PHACTR1: variants seen among roughly 807,000 people sequenced by gnomAD.
PHACTR1 encodes the protein RPEL repeat containing 1.
PHACTR1 carries 16 observed loss-of-function variants against 69.2 expected under a neutral mutation model. That is an observed-to-expected ratio of 0.23 (90% CI 0.16 to 0.35). The LOEUF is 0.35. Among genes scored for constraint, PHACTR1 ranks in the 10% least tolerant of loss-of-function variants. PHACTR1 has a pLI of 1.00. For missense variants in PHACTR1, 510 were observed against 734.7 expected, an observed-to-expected ratio of 0.69 and a Z score of 3.54; for synonymous variants, 312 against 284.5, an observed-to-expected ratio of 1.10 and a Z score of -0.97.
intron 5 of PHACTR1, among the ~76,000 whole-genome samples, chr6:13,136,203 A>C (rs898092448): frequency 1.3e-5 from 2 of 152,064 alleles, no homozygotes; most frequent in African/African-American, 4.8e-5. Context: ...AAAAAAAAAG[A>C]AAATCTATTT....
Position 12,918,835 on chromosome 6 carries a change from A to G in PHACTR1, c.251-134530A>G, listed in dbSNP as rs182308679. ...ACCATTTGAATATAATTTGCACTCA[A>G]ATGGAAACAACCATTCGTTCAGATC... On this transcript the variant is annotated intron_variant, in intron 4 of 14. Coordinates refer to ENST00000332995, the MANE Select transcript of PHACTR1 (RefSeq NM_030948.6). Among the ~76,000 whole-genome samples the G allele has an allele frequency of 2.0e-5, 3 of 152,342 alleles. No homozygotes were observed. In the East Asian group the frequency reaches 5.8e-4, roughly 29 times the overall value.
intron 4 of PHACTR1, among the ~76,000 whole-genome samples, chr6:12,761,119 AC>A (rs2127611087): frequency 6.6e-6 from 1 of 152,320 alleles, no homozygotes; most frequent in African/African-American, 2.4e-5. Flanking sequence ...CGTGTGGATA[AC>A]ACTTTCTGCC....
intron 3 of PHACTR1, among the ~76,000 whole-genome samples, chr6:12,748,399 G>A (rs1766081399): frequency 6.6e-6 from 1 of 152,192 alleles, no homozygotes; most frequent in Admixed American, 6.5e-5. Flanking sequence ...GATGCCCTTT[G>A]TAGCAGGGAG....
intron 5 of PHACTR1, among the ~76,000 whole-genome samples, chr6:13,091,338 C>A (rs1583315777): frequency 6.6e-6 from 1 of 152,098 alleles, no homozygotes; most frequent in Non-Finnish European, 1.5e-5. Flanking sequence ...TGTTGAGTAA[C>A]GTCCCCAAGA....
At position 12,737,663 on chromosome 6, in the gene PHACTR1, T is replaced by C. The variant is rs146022177; in HGVS notation, c.104-11981T>C. On this transcript the variant is annotated intron_variant, in intron 3 of 14. Coordinates refer to ENST00000332995, the MANE Select transcript of PHACTR1 (RefSeq NM_030948.6). The stretch of plus-strand genomic sequence containing the variant: ...AGGCTGGAATGCAGTGGTATGATGA[T>C]GGCTCACTGCAGCCTCAAAGTTCTG... Among the ~76,000 whole-genome samples the C allele has an allele frequency of 1.7e-3, 264 of 151,920 alleles. 7 individuals are homozygous for C. In the East Asian group the frequency reaches 0.044, roughly 25 times the overall value.
rs577312939 is a variant in PHACTR1 at position 13,012,110 on chromosome 6, T to C, written c.251-41255T>C. The stretch of plus-strand genomic sequence containing the variant: ...CCTGCATTCTACATCCATCCCCCTC[T>C]AGGGGAGGCGATGGCAGCTGGACAC... On this transcript the variant is annotated intron_variant, in intron 4 of 14. Coordinates refer to ENST00000332995, the MANE Select transcript of PHACTR1 (RefSeq NM_030948.6). 3.3e-5 allele frequency among the ~76,000 whole-genome samples: 5 copies of C among 152,330 alleles called. No individual in the cohort carries two copies. The East Asian group carries it at 7.7e-4, about 23-fold the overall frequency.
At position 12,944,874 on chromosome 6, in the gene PHACTR1, C is replaced by T. The variant is rs6905426; in HGVS notation, c.251-108491C>T. 2.2e-3 allele frequency among the ~76,000 whole-genome samples: 336 copies of T among 151,888 alleles called. 3 individuals carry two copies. Among genetic ancestry groups the T allele is most frequent in the African/African-American group, 7.8e-3 (324 of 41,382 alleles). On this transcript the variant is annotated intron_variant, in intron 4 of 14. Transcript: ENST00000332995. ...CTCGGCTCACTGCGAGCTCCGCCTC[C>T]CGGGTTCACGCCATTCTCCTGCTTC...
chr6:13,183,789 C>T (rs905048685), intron 7 of PHACTR1, among the ~76,000 whole-genome samples: 2 of 152,196 alleles, frequency 1.3e-5, no homozygotes, highest in South Asian at 2.1e-4. Flanking sequence ...CCTTGTGACA[C>T]TGAAGTCAGA....
intron 14 of PHACTR1, 110 bp downstream of exon 14, chr6:13,286,332 G>T: frequency 1.1e-6 from 1 of 882,252 alleles, no homozygotes. Flanking sequence ...GGTGCCATGA[G>T]AGGGAAGATA....
At chr6:13,061,829 A>C (rs1208326712) in intron 5 of PHACTR1, among the ~76,000 whole-genome samples, 1 of 152,080 alleles carries the variant, frequency 6.6e-6, no homozygotes, top group Non-Finnish European at 1.5e-5. Flanking sequence ...CCAAATTGAG[A>C]TGTTTTGGCC....
intron 13 of PHACTR1, among the ~76,000 whole-genome samples, chr6:13,284,700 C>T (rs1422793561): frequency 6.6e-6 from 1 of 151,326 alleles, no homozygotes; most frequent in Non-Finnish European, 1.5e-5. Context: ...GTTTCAGGGA[C>T]CCAGGGTTTT....
rs572288215 is a variant in PHACTR1, at chr6:12,860,775, G to A, written c.250+110985G>A. On this transcript the variant is annotated intron_variant, in intron 4 of 14. Coordinates refer to ENST00000332995, the MANE Select transcript of PHACTR1 (RefSeq NM_030948.6). The stretch of plus-strand genomic sequence containing the variant: ...ATGATGAGCTCTTTTTCATATGTTC[G>A]TTGGCCACATAAATGTCTTCTTTTG... 6.6e-5 allele frequency among the ~76,000 whole-genome samples: 10 copies of A among 152,090 alleles called. No individual in the cohort carries two copies. In the East Asian group the frequency reaches 1.2e-3, roughly 18 times the overall value.
intron 10 of PHACTR1, among the ~76,000 whole-genome samples, chr6:13,237,641 T>G (rs1447377468): frequency 6.6e-6 from 1 of 152,232 alleles, no homozygotes; most frequent in Admixed American, 6.5e-5. Flanking sequence ...ATCTGTAGAA[T>G]CCAAATTAGT....
At chr6:13,253,718 G>A (rs1301968099) in intron 10 of PHACTR1, among the ~76,000 whole-genome samples, 1 of 152,184 alleles carries the variant, frequency 6.6e-6, no homozygotes, top group East Asian at 1.9e-4. Context: ...GCCCACAGTG[G>A]TGGGCATGTT....
intron 3 of PHACTR1, among the ~76,000 whole-genome samples, chr6:12,741,698 T>C (rs951699035): frequency 1.3e-4 from 20 of 152,060 alleles, no homozygotes; most frequent in African/African-American, 4.8e-4. Context: ...TTTACTCTTA[T>C]TTGTCAAGAT....
chr6:12,922,530 A>G (rs1029167243), intron 4 of PHACTR1, among the ~76,000 whole-genome samples: 1 of 152,202 alleles, frequency 6.6e-6, no homozygotes, highest in African/African-American at 2.4e-5. Flanking sequence ...TTGAATATGC[A>G]TGGAACAGCT....
chr6:12,984,810 A>G (rs2127597159), intron 4 of PHACTR1, among the ~76,000 whole-genome samples: 1 of 152,374 alleles, frequency 6.6e-6, no homozygotes, highest in Non-Finnish European at 1.5e-5. Flanking sequence ...CTAATGATGA[A>G]TCTATAATAC....
chr6:12,743,578 C>T (rs889194240), intron 3 of PHACTR1, among the ~76,000 whole-genome samples: 1 of 152,014 alleles, frequency 6.6e-6, no homozygotes, highest in African/African-American at 2.4e-5. Context: ...AAGTGTTATT[C>T]TTAGGGATCA....
At chr6:12,735,393 A>G (rs1325020498) in intron 3 of PHACTR1, among the ~76,000 whole-genome samples, 2 of 152,240 alleles carry the variant, frequency 1.3e-5, no homozygotes, top group African/African-American at 2.4e-5. Flanking sequence ...GTGACTACAC[A>G]AGGGCATGAG....
Sources: allele counts gnomAD v4.1 joint callset (sites outside exome capture counted in the v4.1 genomes callset), GRCh38; gene constraint gnomAD v4.1.1; transcripts MANE v1.5; gene names NCBI Gene and HGNC (gene_info 2026-07-23, HGNC 2026-07-21).